Variants in SLC4A10 observed in about 807,000 individuals in gnomAD.
SLC4A10 encodes the protein solute carrier family 4 member 10.
In SLC4A10, 42 loss-of-function variants were observed where a neutral mutation model predicts 137.7. That is an observed-to-expected ratio of 0.30 (90% confidence interval 0.24 to 0.39). The LOEUF is 0.39. Ranked by LOEUF, SLC4A10 falls within the 10% of genes least tolerant of loss-of-function variation. The probability of loss-of-function intolerance (pLI) is 1.00; values close to 1 mark genes in which losing one functional copy is unlikely to be tolerated. For missense variants in SLC4A10, 925 were observed against 1,355.0 expected (o/e 0.68, Z 4.98); for synonymous variants, 474 against 464.1 (o/e 1.02, Z -0.27).
chr2:161,710,602 T>C (rs1164133094), intron 1 of SLC4A10: 5 of 417,692 alleles, frequency 1.2e-5, no homozygotes, highest in Admixed American at 1.0e-4. Context: ...TGTCAATCTT[T>C]CTTCTTGCAT....
chr2:161,636,303 T>C (rs897318561), intron 1 of SLC4A10, among the ~76,000 whole-genome samples: 1 of 152,216 alleles, frequency 6.6e-6, no homozygotes, highest in African/African-American at 2.4e-5. Flanking sequence ...TTATCTATGT[T>C]GTGAATGACA....
At chr2:161,852,681 C>A (rs1201560677) in intron 4 of SLC4A10, among the ~76,000 whole-genome samples, 1 of 152,080 alleles carries the variant, frequency 6.6e-6, no homozygotes, top group Non-Finnish European at 1.5e-5. Context: ...AGCATAAGAT[C>A]TTTGAACTGA....
chr2:161,785,229 A>T (rs944407689), intron 2 of SLC4A10, among the ~76,000 whole-genome samples: 1 of 151,864 alleles, frequency 6.6e-6, no homozygotes, highest in Non-Finnish European at 1.5e-5. Flanking sequence ...CAAGAAAATT[A>T]AATCAGTAAT....
rs577419125 is a variant in SLC4A10, at chr2:161,726,066, A to C, written c.49-44907A>C. Among the ~76,000 whole-genome samples, 27 of 152,330 alleles carry C rather than the reference A, an allele frequency of 1.8e-4. No homozygotes were observed. The South Asian group carries it at 5.4e-3, about 30-fold the overall frequency. On this transcript the variant is annotated intron_variant, in intron 1 of 26. Transcript: ENST00000446997. The stretch of plus-strand genomic sequence containing the variant: ...ACATGTTAAATGATTAGTAAGTATC[A>C]TCTATTAATGATGTCTCAATAGATT...
At chr2:161,709,800 T>A (rs1328571175) in intron 1 of SLC4A10, 2 of 151,696 alleles carry the variant, frequency 1.3e-5, no homozygotes, top group East Asian at 3.9e-4. Flanking sequence ...AGAAACTACC[T>A]ATATTTGACA....
At chr2:161,904,291 G>C (rs892996298) in intron 13 of SLC4A10, 113 bp downstream of exon 13, 1 of 1,154,910 alleles carries the variant, frequency 8.7e-7, no homozygotes, top group Non-Finnish European at 1.2e-6. Context: ...TTTGAGATAT[G>C]GTCTGGCAGA....
intron 3 of SLC4A10, among the ~76,000 whole-genome samples, chr2:161,810,875 GTATAA>G (rs1026082116): frequency 6.6e-6 from 1 of 151,778 alleles, no homozygotes; most frequent in Non-Finnish European, 1.5e-5. Flanking sequence ...TGATGACTTT[GTATAA>G]TATGTTAGTG....
intron 4 of SLC4A10, among the ~76,000 whole-genome samples, chr2:161,848,450 T>A (rs1241553953): frequency 1.3e-5 from 2 of 152,130 alleles, no homozygotes; most frequent in East Asian, 3.8e-4. Context: ...TGAAGTCTTT[T>A]CTTTGGCTGA....
At chr2:161,681,817 G>T (rs576434882) in intron 1 of SLC4A10, among the ~76,000 whole-genome samples, 1 of 152,114 alleles carries the variant, frequency 6.6e-6, no homozygotes, top group South Asian at 2.1e-4. Flanking sequence ...AAACCTAATT[G>T]TGGGAAAATG....
chr2:161,888,089 G>A (rs1218595041), intron 10 of SLC4A10, among the ~76,000 whole-genome samples: 1 of 152,108 alleles, frequency 6.6e-6, no homozygotes, highest in African/African-American at 2.4e-5. Context: ...TTTTTGTCAG[G>A]TTTGTCAAAG....
At chr2:161,785,729 C>T (rs1007790293) in intron 2 of SLC4A10, among the ~76,000 whole-genome samples, 1 of 151,860 alleles carries the variant, frequency 6.6e-6, no homozygotes, top group African/African-American at 2.4e-5. Flanking sequence ...CTACAGTTTA[C>T]ATCATACTCA....
Position 161,947,589 on chromosome 2 carries a change from G to T in SLC4A10, c.2127G>T (p.Glu709Asp), listed in dbSNP as rs199675055. The change falls in exon 17 of 27, where the codon GAG becomes GAT. Residue 709 changes from glutamate (E) to aspartate (D), a missense_variant. By Grantham distance (45) the Glu-to-Asp change is conservative. Transcript: ENST00000446997. ...TVSECKSLHG[E>D]YVGRACGHDH... ...AGGAATGCAAATCATTGCATGGAGA[G>T]TATGTTGGACGGGCCTGTGGCCATG... 11 of 1,612,406 alleles carry T rather than the reference G, an allele frequency of 6.8e-6. No homozygotes were observed. Among genetic ancestry groups the T allele is most frequent in the Non-Finnish European group, 8.5e-6 (10 of 1,179,148 alleles).
In SLC4A10 at chr2:161,983,374, A is replaced by G; in HGVS notation, c.*222A>G. 1 of 749,350 alleles carries G rather than the reference A, an allele frequency of 1.3e-6. No homozygotes were observed. 46.4% of individuals were successfully genotyped at this position (749,350 alleles called of 1,614,324 possible). A position where few individuals can be genotyped will look rare whatever the true frequency, so the allele number is the denominator to read the frequency against. On this transcript the variant is annotated 3_prime_UTR_variant, in exon 27 of 27. Transcript: ENST00000446997. Reference sequence around the variant, plus strand: ...CCACCTTCATACTGTAAGTAGTGCAATACTTGTTTCATTTCTGTGTTTAAA... The same window carrying G: ...CCACCTTCATACTGTAAGTAGTGCAGTACTTGTTTCATTTCTGTGTTTAAA...
chr2:161,842,831 G>A (rs2059267379), intron 4 of SLC4A10, among the ~76,000 whole-genome samples: 1 of 152,018 alleles, frequency 6.6e-6, no homozygotes, highest in African/African-American at 2.4e-5. Context: ...CCACAGATTA[G>A]TGATATAACT....
At chr2:161,860,849 G>A (rs1458950458) in intron 5 of SLC4A10, among the ~76,000 whole-genome samples, 1 of 152,132 alleles carries the variant, frequency 6.6e-6, no homozygotes, top group Non-Finnish European at 1.5e-5. Context: ...GCCACATATG[G>A]CCGACTGCCT....
At chr2:161,741,522 T>C (rs982270364) in intron 1 of SLC4A10, among the ~76,000 whole-genome samples, 7 of 152,178 alleles carry the variant, frequency 4.6e-5, no homozygotes, top group Admixed American at 3.3e-4. Flanking sequence ...CACCATTCTG[T>C]AATGCTGTTT....
intron 23 of SLC4A10, among the ~76,000 whole-genome samples, chr2:161,967,358 C>T (rs530961483): frequency 2.5e-4 from 38 of 152,148 alleles, no homozygotes; most frequent in African/African-American, 8.2e-4. Flanking sequence ...CAGCCACCCT[C>T]GACCTTGAAC....
chr2:161,841,109 A>C (rs2059152870), intron 4 of SLC4A10, among the ~76,000 whole-genome samples: 1 of 151,842 alleles, frequency 6.6e-6, no homozygotes, highest in Non-Finnish European at 1.5e-5. Context: ...ACAGAGTCTC[A>C]CTCTGTCCCC....
intron 1 of SLC4A10, among the ~76,000 whole-genome samples, chr2:161,737,419 A>G (rs896112288): frequency 6.6e-6 from 1 of 151,024 alleles, no homozygotes; most frequent in Non-Finnish European, 1.5e-5. Context: ...TTTATACAGA[A>G]TAGCTTTTTT....
Sources: allele counts gnomAD v4.1 joint callset (sites outside exome capture counted in the v4.1 genomes callset), GRCh38; gene constraint gnomAD v4.1.1; transcripts MANE v1.5; gene names NCBI Gene and HGNC (gene_info 2026-07-23, HGNC 2026-07-21).